The following CRPPA variants were observed in gnomAD, a reference collection of about 807,000 sequenced individuals.
CRPPA encodes the protein D-ribitol-5-phosphate cytidylyltransferase.
A neutral mutation model predicts 52.0 loss-of-function variants in CRPPA; 43 were observed. That is an observed-to-expected ratio of 0.83 (90% confidence interval 0.65 to 1.07). The LOEUF is 1.07. Ranked by LOEUF, CRPPA falls within the 50% of genes least tolerant of loss-of-function variation. The pLI is 0.00. For missense variants in CRPPA, 629 were observed against 551.7 expected (o/e 1.14, Z -1.40); for synonymous variants, 250 against 203.5 (o/e 1.23, Z -1.94).
At position 16,289,640 on chromosome 7, in the gene CRPPA, A is replaced by C. The variant is rs1430588831; in HGVS notation, c.836-11414T>G. 2.6e-5 allele frequency among the ~76,000 whole-genome samples: 4 copies of C among 152,158 alleles called. No homozygotes were observed. In the East Asian group the frequency reaches 7.7e-4, roughly 29 times the overall value. On this transcript the variant is annotated intron_variant, in intron 5 of 9. Coordinates refer to ENST00000407010, the MANE Select transcript of CRPPA (RefSeq NM_001101426.4). ...TGATAAAATTCAGCATTCCTTTTTC[A>C]CAAAAGCTCTCAACAAATAAGGTAT...
At chr7:16,417,554 C>T (rs1192133078) in intron 1 of CRPPA, among the ~76,000 whole-genome samples, 5 of 152,254 alleles carry the variant, frequency 3.3e-5, no homozygotes, top group Admixed American at 1.3e-4. Context: ...AAACCAATTA[C>T]CACAAGTTCT....
intron 9 of CRPPA, among the ~76,000 whole-genome samples, chr7:16,145,161 G>A (rs1176607622): frequency 1.3e-5 from 2 of 152,182 alleles, no homozygotes; most frequent in African/African-American, 4.8e-5. Flanking sequence ...ACCATAGTCT[G>A]GAAGCAGTTC....
At chr7:16,224,584 G>A (rs560278478) in intron 8 of CRPPA, among the ~76,000 whole-genome samples, 3 of 152,212 alleles carry the variant, frequency 2.0e-5, no homozygotes, top group African/African-American at 7.2e-5. Flanking sequence ...AGAATTGGTA[G>A]ATAAACCAGA....
chr7:16,240,763 T>C (rs956844208), intron 8 of CRPPA, among the ~76,000 whole-genome samples: 9 of 152,108 alleles, frequency 5.9e-5, no homozygotes, highest in Admixed American at 5.9e-4. Flanking sequence ...CTAGTAATAA[T>C]AGAGTTAACA....
intron 9 of CRPPA, among the ~76,000 whole-genome samples, chr7:16,206,588 G>T (rs578068307): frequency 1.8e-4 from 27 of 151,864 alleles, no homozygotes; most frequent in Non-Finnish European, 1.3e-4. Flanking sequence ...AAAGAACATA[G>T]TAAAAATTAA....
At chr7:16,212,177 A>C (rs1439311736) in intron 9 of CRPPA, among the ~76,000 whole-genome samples, 2 of 152,162 alleles carry the variant, frequency 1.3e-5, no homozygotes, top group East Asian at 3.9e-4. Flanking sequence ...AGAGGGTAAG[A>C]GAGTGCCTCT....
intron 5 of CRPPA, among the ~76,000 whole-genome samples, chr7:16,289,799 C>T (rs1253458154): frequency 1.3e-5 from 2 of 152,090 alleles, no homozygotes; most frequent in African/African-American, 4.8e-5. Flanking sequence ...TACTCCTATC[C>T]ACCACAGTAC....
intron 3 of CRPPA, among the ~76,000 whole-genome samples, chr7:16,353,412 G>A (rs1345120731): frequency 1.3e-5 from 2 of 152,034 alleles, no homozygotes; most frequent in African/African-American, 4.8e-5. Flanking sequence ...AAAGAATGGT[G>A]GTTACCAGAG....
chr7:16,327,843 C>T (rs993032873), intron 3 of CRPPA, among the ~76,000 whole-genome samples: 6 of 152,144 alleles, frequency 3.9e-5, no homozygotes, highest in Admixed American at 6.5e-5. Context: ...GCAACACATA[C>T]TCCTTCTGCT....
intron 9 of CRPPA, among the ~76,000 whole-genome samples, chr7:16,163,637 T>C (rs1780973184): frequency 6.6e-6 from 1 of 152,232 alleles, no homozygotes; most frequent in Non-Finnish European, 1.5e-5. Context: ...TTGGTTTGTT[T>C]GTGCAGTGGC....
intron 9 of CRPPA, among the ~76,000 whole-genome samples, chr7:16,214,842 T>G (rs1782261880): frequency 6.6e-6 from 1 of 152,192 alleles, no homozygotes; most frequent in South Asian, 2.1e-4. Context: ...AGATCTGAGT[T>G]CTGTTACTCT....
intron 8 of CRPPA, among the ~76,000 whole-genome samples, chr7:16,250,762 T>G (rs1417542274): frequency 6.6e-6 from 1 of 152,182 alleles, no homozygotes; most frequent in Admixed American, 6.5e-5. Flanking sequence ...TACCAGCCAT[T>G]GCAAAAACAT....
chr7:16,230,161 G>A (rs1481412095), intron 8 of CRPPA, among the ~76,000 whole-genome samples: 1 of 152,018 alleles, frequency 6.6e-6, no homozygotes, highest in East Asian at 1.9e-4. Flanking sequence ...TGACATTTCT[G>A]TACCTGGATA....
At chr7:16,322,152 C>T (rs529813114) in intron 3 of CRPPA, among the ~76,000 whole-genome samples, 1 of 152,120 alleles carries the variant, frequency 6.6e-6, no homozygotes, top group Non-Finnish European at 1.5e-5. Context: ...TATTACCCCT[C>T]AAAAATGAAC....
At chr7:16,339,507 G>A (rs1785769056) in intron 3 of CRPPA, among the ~76,000 whole-genome samples, 1 of 152,102 alleles carries the variant, frequency 6.6e-6, no homozygotes, top group South Asian at 2.1e-4. Context: ...ACCCACTTAT[G>A]ATAACAAGTC....
chr7:16,176,472 G>A lies in CRPPA; in HGVS notation c.1251+39594C>T, dbSNP rs73304820. ...GAAATACAAATTGAAACCACATGAG[G>A]TACCATTACACACCTATGAGAATGG... On this transcript the variant is annotated intron_variant, in intron 9 of 9. Coordinates refer to ENST00000407010, the MANE Select transcript of CRPPA (RefSeq NM_001101426.4). 2.9e-3 allele frequency among the ~76,000 whole-genome samples: 448 copies of A among 152,062 alleles called. 2 individuals are homozygous for A. Among genetic ancestry groups the A allele is most frequent in the African/African-American group, 0.011 (436 of 41,468 alleles).
chr7:16,234,875 A>T (rs1403746932), intron 8 of CRPPA, among the ~76,000 whole-genome samples: 1 of 152,130 alleles, frequency 6.6e-6, no homozygotes, highest in African/African-American at 2.4e-5. Flanking sequence ...TAAACAATTA[A>T]AAAAAGAAGG....
intron 9 of CRPPA, among the ~76,000 whole-genome samples, chr7:16,193,033 C>A (rs992434300): frequency 2.6e-5 from 4 of 152,120 alleles, no homozygotes; most frequent in African/African-American, 9.7e-5. Context: ...CTATCCTACA[C>A]TCTTTGCATT....
At chr7:16,239,137 CAAAAAA>C (rs35537101) in intron 8 of CRPPA, among the ~76,000 whole-genome samples, 8 of 88,522 alleles carry the variant, frequency 9.0e-5, no homozygotes, top group African/African-American at 3.3e-4. Context: ...GACTCTGTCT[CAAAAAA>C]AAAAAAAAAA....
Sources: gnomAD v4.1 joint callset for allele counts (sites outside exome capture counted in the v4.1 genomes callset) on GRCh38, gnomAD v4.1.1 for gene constraint, MANE v1.5 for transcripts, NCBI Gene and HGNC (gene_info 2026-07-23, HGNC 2026-07-21) for gene names.